GREB1L: variants seen among roughly 807,000 people sequenced by gnomAD.
GREB1L encodes the protein GREB1-like protein.
GREB1L carries 17 observed loss-of-function variants against 200.8 expected under a neutral mutation model. The observed-to-expected ratio is 0.08, with a 90% CI of 0.06 to 0.13. GREB1L has a LOEUF of 0.13. GREB1L is among the 10% of genes least tolerant of loss of function. The pLI is 1.00. For synonymous variants in GREB1L, 789 were observed against 893.0 expected (o/e 0.88, Z 2.08); for missense variants, 1,657 against 2,367.7 (o/e 0.70, Z 6.23).
intron 15 of GREB1L, among the ~76,000 whole-genome samples, chr18:21,464,026 T>C (rs1289185972): frequency 1.3e-5 from 2 of 152,042 alleles, no homozygotes; most frequent in African/African-American, 4.8e-5. Context: ...TTGCAACCTA[T>C]TGAAAAATTT....
intron 1 of GREB1L, among the ~76,000 whole-genome samples, chr18:21,258,793 TTAC>T (rs2037842880): frequency 6.6e-6 from 1 of 152,174 alleles, no homozygotes; most frequent in African/African-American, 2.4e-5. Context: ...ATCATCAAAT[TTAC>T]TTACTTACAA....
chr18:21,427,496 C>A (rs902285160), intron 7 of GREB1L, among the ~76,000 whole-genome samples: 12 of 130,992 alleles, frequency 9.2e-5, no homozygotes, highest in African/African-American at 4.0e-4. Flanking sequence ...TAGAGTGAGA[C>A]CCTGCCTCAA....
At chr18:21,463,886 TTTG>T (rs2035160223) in intron 15 of GREB1L, among the ~76,000 whole-genome samples, 1 of 152,216 alleles carries the variant, frequency 6.6e-6, no homozygotes, top group Non-Finnish European at 1.5e-5. Context: ...TCTGGAATAT[TTTG>T]TTGTGCCAGA....
intron 4 of GREB1L, chr18:21,387,722 T>A (rs1308361874): frequency 6.6e-6 from 1 of 152,250 alleles, no homozygotes; most frequent in Non-Finnish European, 1.5e-5. Context: ...ATTTGATGTT[T>A]ATTAGACTAT....
rs762897676 is a variant in GREB1L at position 21,515,419 on chromosome 18, A to G, written c.4904A>G (p.Gln1635Arg). ...NIHSVQEPSS[Q>R]PMEVGVSSKN... ...CTTATATAAACTATATTTCATAGCC[A>G]GCCCATGGAAGTAGGAGTTTCCAGT... Residue 1635 changes from glutamine to arginine, a missense_variant and splice_region_variant, in exon 29 of 33, where the codon CAG (glutamine) becomes CGG (arginine). Physicochemically the swap from Gln to Arg is conservative, Grantham distance 43. Transcript: ENST00000424526. 3.9e-6 allele frequency: 6 copies of G among 1,543,528 alleles called. No homozygotes were observed. The highest frequency in any genetic ancestry group is 5.3e-6 in the Non-Finnish European group (6 of 1,139,718).
At chr18:21,268,528 C>T (rs111605662) in intron 1 of GREB1L, among the ~76,000 whole-genome samples, 2,906 of 82,550 alleles carry the variant, frequency 0.035, 162 homozygotes, top group African/African-American at 0.14. Flanking sequence ...TATATACACA[C>T]ACACACACAC....
intron 11 of GREB1L, among the ~76,000 whole-genome samples, chr18:21,447,077 T>C (rs780886896): frequency 1.3e-5 from 2 of 152,190 alleles, no homozygotes; most frequent in African/African-American, 2.4e-5. Flanking sequence ...ATTATTGTTA[T>C]CAAGCTTGCG....
At chr18:21,379,695 A>G (rs1045187537) in intron 2 of GREB1L, among the ~76,000 whole-genome samples, 1 of 152,216 alleles carries the variant, frequency 6.6e-6, no homozygotes, top group Admixed American at 6.5e-5. Flanking sequence ...TTCTCTCTTT[A>G]GCAAGGAAGG....
chr18:21,303,350 TAGG>T (rs757944127), intron 1 of GREB1L, among the ~76,000 whole-genome samples: 84 of 152,136 alleles, frequency 5.5e-4, no homozygotes, highest in Non-Finnish European at 1.1e-3. Context: ...AAACAAAAAA[TAGG>T]GGGAGAAAAG....
At chr18:21,520,545 A>C in intron 31 of GREB1L, 143 bp from the exon 32 acceptor site, 1 of 878,982 alleles carries the variant, frequency 1.1e-6, no homozygotes, top group Non-Finnish European at 1.7e-6. Flanking sequence ...TAACCAAGCC[A>C]TTTAAGTTAA....
intron 4 of GREB1L, among the ~76,000 whole-genome samples, chr18:21,385,810 T>C (rs1301351865): frequency 6.6e-6 from 1 of 152,206 alleles, no homozygotes; most frequent in Non-Finnish European, 1.5e-5. Context: ...GAGAGTTACA[T>C]AGAGTAAAAG....
At chr18:21,400,935 CT>C (rs1342494158) in intron 5 of GREB1L, among the ~76,000 whole-genome samples, 3 of 152,056 alleles carry the variant, frequency 2.0e-5, no homozygotes, top group Non-Finnish European at 4.4e-5. Context: ...CTTTCCTTTC[CT>C]TTTAGAGCAG....
At chr18:21,262,890 C>T (rs1214219158) in intron 1 of GREB1L, among the ~76,000 whole-genome samples, 2 of 152,126 alleles carry the variant, frequency 1.3e-5, no homozygotes, top group African/African-American at 4.8e-5. Context: ...AACTTCATGC[C>T]ATGCCTAAGA....
intron 10 of GREB1L, among the ~76,000 whole-genome samples, chr18:21,442,772 A>G (rs1387884006): frequency 6.6e-6 from 1 of 151,120 alleles, no homozygotes; most frequent in African/African-American, 2.4e-5. Flanking sequence ...CAATGAATTT[A>G]GCTTACTTTT....
chr18:21,401,092 G>C lies in GREB1L; in HGVS notation c.533-58G>C. ...TGAATGTTTCTATGCTGTTTAATAC[G>C]TAAAAGTATTGTATCAACTTACAAG... is the stretch of plus-strand genomic sequence containing the variant. On this transcript the variant is annotated intron_variant, in intron 5 of 32. Transcript: ENST00000424526. The C allele has an allele frequency of 3.7e-6, 5 of 1,367,462 alleles. No homozygotes were observed. The South Asian group carries it at 6.4e-5, about 17-fold the overall frequency. 84.7% of individuals were successfully genotyped at this position (1,367,462 alleles called of 1,614,324 possible).
chr18:21,484,183 T>C (rs2036032826), intron 17 of GREB1L, among the ~76,000 whole-genome samples: 1 of 150,070 alleles, frequency 6.7e-6, no homozygotes, highest in Non-Finnish European at 1.5e-5. Context: ...TATATAATTT[T>C]TTTTTTTTTT....
At position 21,524,241 on chromosome 18, in the gene GREB1L, A is replaced by G. The variant is rs2037648335; in HGVS notation, c.*1420A>G. 6.6e-6 allele frequency: 1 copy of G among 152,220 alleles called. No individual in the cohort carries two copies. Among genetic ancestry groups the G allele is most frequent in the South Asian group, 2.1e-4 (1 of 4,832 alleles). 9.4% of individuals were successfully genotyped at this position (152,220 alleles called of 1,614,324 possible). On this transcript the variant is annotated 3_prime_UTR_variant, in exon 33 of 33. Coordinates refer to ENST00000424526, the MANE Select transcript of GREB1L (RefSeq NM_001142966.3). ...TACTTAGAACAAATAGTGTTAATTG[A>G]CCAGCTTTATTATCTTATGACAACA...
intron 1 of GREB1L, among the ~76,000 whole-genome samples, chr18:21,302,760 C>T (rs966263472): frequency 5.3e-5 from 8 of 152,226 alleles, no homozygotes; most frequent in African/African-American, 1.7e-4. Context: ...CTTGCTCTGT[C>T]GCCCAGGTTG....
intron 1 of GREB1L, among the ~76,000 whole-genome samples, chr18:21,250,436 A>G (rs147111957): frequency 6.6e-6 from 1 of 152,282 alleles, no homozygotes; most frequent in East Asian, 1.9e-4. Flanking sequence ...TTTAAAAAAA[A>G]TGTTCTGCCA....
Sources: gnomAD v4.1 joint callset for allele counts (sites outside exome capture counted in the v4.1 genomes callset) on GRCh38, gnomAD v4.1.1 for gene constraint, MANE v1.5 for transcripts, NCBI Gene and HGNC (gene_info 2026-07-23, HGNC 2026-07-21) for gene names.